Variants in SH3PXD2A observed in about 807,000 individuals in gnomAD.
The protein encoded by SH3PXD2A is SH3 and PX domain-containing protein 2A.
SH3PXD2A carries 32 observed loss-of-function variants against 115.2 expected under a neutral mutation model. The ratio of observed to expected loss-of-function variants is 0.28; its 90% confidence interval spans 0.21 to 0.37. SH3PXD2A has a LOEUF of 0.37. SH3PXD2A is among the 10% of genes least tolerant of loss of function. SH3PXD2A has a pLI of 1.00. For missense variants in SH3PXD2A, 1,328 were observed against 1,498.7 expected (o/e 0.89, Z 1.88); for synonymous variants, 610 against 629.1 (o/e 0.97, Z 0.45).
chr10:103,710,606 T>C (rs183910623), intron 5 of SH3PXD2A, among the ~76,000 whole-genome samples: 1 of 152,338 alleles, frequency 6.6e-6, no homozygotes, highest in East Asian at 1.9e-4. Context: ...ATATGGTAGA[T>C]GCCTGGCAGT....
intron 6 of SH3PXD2A, among the ~76,000 whole-genome samples, chr10:103,669,731 G>T (rs764430648): frequency 2.2e-4 from 33 of 152,234 alleles, no homozygotes; most frequent in Non-Finnish European, 3.2e-4. Context: ...CTGCAGTGGG[G>T]ACAATTAAAA....
rs150318492 is a variant in SH3PXD2A, at chr10:103,617,720, C to T, written c.803-406G>A. On this transcript the variant is annotated intron_variant, in intron 10 of 14. Coordinates refer to ENST00000369774, the MANE Select transcript of SH3PXD2A (RefSeq NM_001394015.1). The stretch of plus-strand genomic sequence containing the variant: ...TGTCCTTGCATGCCTTGAGGCCCCA[C>T]GGCATACCGCTTTTCCTCGAAATGT... Among the ~76,000 whole-genome samples, 11 of 152,320 alleles carry T rather than the reference C, an allele frequency of 7.2e-5. No homozygotes were observed. In the East Asian group the frequency reaches 9.6e-4, roughly 13 times the overall value.
At chr10:103,720,433 C>T (rs754842771) in intron 5 of SH3PXD2A, among the ~76,000 whole-genome samples, 56 of 152,308 alleles carry the variant, frequency 3.7e-4, no homozygotes, top group African/African-American at 8.2e-4. Flanking sequence ...AAAGCCGAGG[C>T]GCTCAGGCCT....
Position 103,603,516 on chromosome 10 carries a change from C to T in SH3PXD2A, c.1702G>A (p.Glu568Lys). The change falls in exon 15 of 15, where the codon GAG becomes AAG. Residue 568 changes from glutamate (E) to lysine (K), a missense_variant. Coordinates refer to ENST00000369774, the MANE Select transcript of SH3PXD2A (RefSeq NM_001394015.1). ...YDIPAFGFDS[E>K]PELSEEPVED... Reference sequence around the variant, plus strand: ...ACGGGCTCCTCGCTCAGCTCAGGCTCTGAGTCAAAGCCGAATGCAGGGATG... The same window carrying T: ...ACGGGCTCCTCGCTCAGCTCAGGCTTTGAGTCAAAGCCGAATGCAGGGATG... 6.2e-7 allele frequency: 1 copy of T among 1,612,644 alleles called. No individual in the cohort carries two copies. The highest frequency in any genetic ancestry group is 8.5e-7 in the Non-Finnish European group (1 of 1,179,226).
chr10:103,615,064 C>T (rs542885621), intron 11 of SH3PXD2A, among the ~76,000 whole-genome samples: 4 of 152,260 alleles, frequency 2.6e-5, no homozygotes, highest in Admixed American at 6.5e-5. Context: ...ATGGAAGCAA[C>T]GAGTAAAAAT....
intron 6 of SH3PXD2A, among the ~76,000 whole-genome samples, chr10:103,681,751 C>T (rs996066032): frequency 3.7e-5 from 5 of 134,572 alleles, no homozygotes; most frequent in African/African-American, 1.1e-4. Context: ...CACACACACA[C>T]ACGCGCCCGC....
intron 3 of SH3PXD2A, among the ~76,000 whole-genome samples, chr10:103,763,602 G>A (rs1228552448): frequency 6.6e-6 from 1 of 152,210 alleles, no homozygotes; most frequent in Non-Finnish European, 1.5e-5. Flanking sequence ...TAGAGGCAAG[G>A]AAGCAGAAGC....
At chr10:103,796,760 A>T (rs935166578) in intron 2 of SH3PXD2A, among the ~76,000 whole-genome samples, 1 of 152,220 alleles carries the variant, frequency 6.6e-6, no homozygotes, top group Non-Finnish European at 1.5e-5. Context: ...CCCAGATTTA[A>T]CAAGTGAAAA....
At chr10:103,622,695 A>G (rs981285540) in intron 9 of SH3PXD2A, 142 bp from the exon 10 acceptor site, 32 of 641,958 alleles carry the variant, frequency 5.0e-5, no homozygotes, top group Admixed American at 9.4e-5. Flanking sequence ...ACCTGGACTG[A>G]ACCAAAGGGC....
At chr10:103,646,748 G>A (rs1403159013) in intron 8 of SH3PXD2A, among the ~76,000 whole-genome samples, 1 of 152,222 alleles carries the variant, frequency 6.6e-6, no homozygotes, top group Non-Finnish European at 1.5e-5. Context: ...GATAAAGGCT[G>A]GGGAATGAGT....
chr10:103,603,547 C>A lies in SH3PXD2A; in HGVS notation c.1671G>T (p.Glu557Asp), dbSNP rs750875523. The A allele has an allele frequency of 8.1e-6, 13 of 1,612,814 alleles. No individual in the cohort carries two copies. The highest frequency in any genetic ancestry group is 1.0e-5 in the Non-Finnish European group (12 of 1,179,288). ...CAAAGCCGAATGCAGGGATGTCATA[C>A]TCAGGCTCCTCATACTTGAGCTTCC... ...SPRKLKYEEP[E>D]YDIPAFGFDS... The change falls in exon 15 of 15, where the codon GAG (glutamate) becomes GAT (aspartate). Residue 557 changes from glutamate to aspartate, a missense_variant. Around this residue, in one of 5 missense-constraint regions of SH3PXD2A, gnomAD observed 509 missense variants for 628.3 expected, o/e 0.81. Transcript: ENST00000369774.
chr10:103,656,201 A>C (rs2134037011), intron 8 of SH3PXD2A, among the ~76,000 whole-genome samples: 1 of 152,354 alleles, frequency 6.6e-6, no homozygotes. Context: ...TTTTCTTTAA[A>C]ACCTACCCAC....
chr10:103,830,901 T>C (rs527489199), intron 1 of SH3PXD2A, among the ~76,000 whole-genome samples: 3 of 138,226 alleles, frequency 2.2e-5, no homozygotes, highest in African/African-American at 8.7e-5. Flanking sequence ...TAAAAATAAG[T>C]CAGGATGAGG....
chr10:103,785,091 C>T (rs1458526820), intron 2 of SH3PXD2A, among the ~76,000 whole-genome samples: 1 of 152,178 alleles, frequency 6.6e-6, no homozygotes, highest in Admixed American at 6.5e-5. Flanking sequence ...CCAGAGAAAA[C>T]GGCTGTTCAC....
At chr10:103,664,496 G>A (rs1286063408) in intron 7 of SH3PXD2A, among the ~76,000 whole-genome samples, 1 of 152,136 alleles carries the variant, frequency 6.6e-6, no homozygotes, top group Non-Finnish European at 1.5e-5. Flanking sequence ...TCACACAGCT[G>A]GGATTGAACC....
chr10:103,847,409 G>C (rs565485493), intron 1 of SH3PXD2A, among the ~76,000 whole-genome samples: 1 of 152,192 alleles, frequency 6.6e-6, no homozygotes, highest in South Asian at 2.1e-4. Flanking sequence ...AACCTCCTGG[G>C]CTCCAGCCAT....
chr10:103,655,239 C>A (rs774229209), intron 8 of SH3PXD2A, among the ~76,000 whole-genome samples: 1 of 152,188 alleles, frequency 6.6e-6, no homozygotes, highest in Non-Finnish European at 1.5e-5. Flanking sequence ...TAAATGGAGT[C>A]TGGTTCACTG....
chr10:103,602,617 C>T lies in SH3PXD2A; in HGVS notation c.2601G>A (p.Val867=), dbSNP rs764172128. The T allele has an allele frequency of 6.2e-7, 1 of 1,614,232 alleles. No individual in the cohort carries two copies. Among genetic ancestry groups the T allele is most frequent in the East Asian group, 2.2e-5 (1 of 44,872 alleles). ...SEISFPAGVE[V]QVLEKQESGW... is the part of the protein sequence containing the mutation. ...CGCTCTCCTGCTTCTCCAGCACCTG[C>T]ACCTCCACGCCCGCGGGGAAGCTGA... Residue 867 remains valine, a synonymous_variant, in exon 15 of 15, where the codon GTG becomes GTA. Coordinates refer to ENST00000369774, the MANE Select transcript of SH3PXD2A (RefSeq NM_001394015.1).
chr10:103,762,612 C>A (rs1044898449), intron 3 of SH3PXD2A, among the ~76,000 whole-genome samples: 22 of 152,154 alleles, frequency 1.4e-4, no homozygotes, highest in African/African-American at 5.3e-4. Flanking sequence ...GGATGCCTTG[C>A]TGGAGAACTG....
Sources: gnomAD v4.1 joint callset for allele counts (sites outside exome capture counted in the v4.1 genomes callset) on GRCh38, gnomAD v4.1.1 for gene constraint, gnomAD v4.1.1 regional missense constraint, MANE v1.5 for transcripts, NCBI Gene and HGNC (gene_info 2026-07-23, HGNC 2026-07-21) for gene names.